GXYLT2: variants seen among roughly 807,000 people sequenced by gnomAD.
GXYLT2 encodes glycosyltransferase 8 domain containing 4.
In GXYLT2, 53 loss-of-function variants were observed where a neutral mutation model predicts 45.8. The ratio of observed to expected loss-of-function variants is 1.16; its 90% CI spans 0.93 to 1.46. The LOEUF (loss-of-function observed/expected upper bound fraction) is 1.46, where lower values mean the gene tolerates loss of function less well. Ranked by LOEUF, GXYLT2 falls within the 40% of genes most tolerant of loss-of-function variation. GXYLT2 has a pLI of 0.00. For missense variants in GXYLT2, 551 were observed against 544.4 expected, an observed-to-expected ratio of 1.01 and a Z score of -0.12; for synonymous variants, 219 against 214.2, an observed-to-expected ratio of 1.02 and a Z score of -0.19.
At chr3:72,952,873 T>C (rs1466676) in intron 3 of GXYLT2, among the ~76,000 whole-genome samples, 73,878 of 151,876 alleles carry the variant, frequency 0.49, 18,615 homozygotes, top group Non-Finnish European at 0.55. Flanking sequence ...ATATGAATGT[T>C]GGGGACACAG....
intron 1 of GXYLT2, among the ~76,000 whole-genome samples, chr3:72,903,577 T>C (rs1405636826): frequency 6.6e-6 from 1 of 151,936 alleles, no homozygotes; most frequent in African/African-American, 2.4e-5. Context: ...TCTCTGTGAG[T>C]TGGGAGTCTG....
At chr3:72,892,355 G>T (rs190323190) in intron 1 of GXYLT2, among the ~76,000 whole-genome samples, 8 of 152,140 alleles carry the variant, frequency 5.3e-5, no homozygotes, top group African/African-American at 1.7e-4. Flanking sequence ...CTTTTTTTCT[G>T]TGTTGGCCTG....
intron 1 of GXYLT2, among the ~76,000 whole-genome samples, chr3:72,895,133 A>G (rs2107059990): frequency 6.6e-6 from 1 of 152,340 alleles, no homozygotes; most frequent in South Asian, 2.1e-4. Flanking sequence ...AGGGATTGCA[A>G]CTGTATTTCT....
chr3:72,950,943 C>A (rs994880218), intron 3 of GXYLT2, among the ~76,000 whole-genome samples: 1 of 152,146 alleles, frequency 6.6e-6, no homozygotes, highest in African/African-American at 2.4e-5. Context: ...ACATTATAGC[C>A]AGCAGCATCG....
At chr3:72,910,414 A>G (rs1709593868) in intron 2 of GXYLT2, among the ~76,000 whole-genome samples, 1 of 152,200 alleles carries the variant, frequency 6.6e-6, no homozygotes, top group African/African-American at 2.4e-5. Flanking sequence ...TACTTGCTAT[A>G]TGACCTTGGG....
chr3:72,889,907 G>GGTTTTTT (rs1215251183), intron 1 of GXYLT2, among the ~76,000 whole-genome samples: 2 of 118,786 alleles, frequency 1.7e-5, no homozygotes, highest in African/African-American at 6.7e-5. Context: ...TTTTTTTTTT[G>GGTTTTTT]TTTTTTTTTT....
At chr3:72,915,356 C>CA (rs1297808276) in intron 2 of GXYLT2, among the ~76,000 whole-genome samples, 1 of 17,454 alleles carries the variant, frequency 5.7e-5, no homozygotes, top group Admixed American at 9.4e-4. Context: ...TTTTTTTTTG[C>CA]GGGGGGGGGG....
In GXYLT2 at chr3:72,897,639, GC is replaced by G. The variant is rs1216472861; in HGVS notation, c.275+9133del. 2.6e-5 allele frequency among the ~76,000 whole-genome samples: 4 copies of G among 152,272 alleles called. No individual in the cohort carries two copies. In the East Asian group the frequency reaches 7.7e-4, roughly 29 times the overall value. ...TTACCAAAAAGTCCTAAAAATGGAT[GC>G]CAGTAAGAAACCCCAAAACCCAAAG... On this transcript the variant is annotated intron_variant, in intron 1 of 6. Coordinates refer to ENST00000389617, the MANE Select transcript of GXYLT2 (RefSeq NM_001080393.2).
intron 3 of GXYLT2, among the ~76,000 whole-genome samples, chr3:72,953,561 A>G (rs1710567114): frequency 6.6e-6 from 1 of 152,112 alleles, no homozygotes; most frequent in Non-Finnish European, 1.5e-5. Context: ...AAGTGCTAGG[A>G]TTGAAATTAG....
intron 2 of GXYLT2, among the ~76,000 whole-genome samples, chr3:72,912,437 C>T (rs1162214040): frequency 6.6e-6 from 1 of 152,146 alleles, no homozygotes; most frequent in Non-Finnish European, 1.5e-5. Flanking sequence ...GCACATGCCA[C>T]CATGCCTTGC....
chr3:72,936,609 C>A (rs1230533252), intron 3 of GXYLT2, among the ~76,000 whole-genome samples: 1 of 152,136 alleles, frequency 6.6e-6, no homozygotes, highest in Non-Finnish European at 1.5e-5. Context: ...CATTGCACTC[C>A]AGTCTGGGTG....
intron 1 of GXYLT2, among the ~76,000 whole-genome samples, chr3:72,894,523 A>G (rs1447906084): frequency 2.0e-5 from 3 of 152,244 alleles, no homozygotes; most frequent in Non-Finnish European, 2.9e-5. Flanking sequence ...CAGAGACTAT[A>G]TGGTAAATGT....
intron 2 of GXYLT2, among the ~76,000 whole-genome samples, chr3:72,914,946 G>A (rs925280564): frequency 1.3e-5 from 2 of 152,050 alleles, no homozygotes; most frequent in Non-Finnish European, 1.5e-5. Context: ...AACACTTTGG[G>A]AGGCCAAGGC....
At chr3:72,904,633 T>G (rs1407876607) in intron 1 of GXYLT2, among the ~76,000 whole-genome samples, 2 of 150,434 alleles carry the variant, frequency 1.3e-5, no homozygotes, top group African/African-American at 4.9e-5. Context: ...AGTGCATGCT[T>G]TTTTTTTAAT....
chr3:72,974,941 C>A, intron 6 of GXYLT2, 36 bp from the exon 7 acceptor site: 1 of 1,447,378 alleles, frequency 6.9e-7, no homozygotes, highest in Non-Finnish European at 9.4e-7. Context: ...ATGGCATTTC[C>A]GTTACTAAAT....
At chr3:72,904,492 A>C (rs1028435425) in intron 1 of GXYLT2, among the ~76,000 whole-genome samples, 4 of 151,956 alleles carry the variant, frequency 2.6e-5, no homozygotes, top group African/African-American at 9.7e-5. Flanking sequence ...GAGAGGTTTT[A>C]TTTTTCTTTA....
chr3:72,949,812 C>T (rs1452957474), intron 3 of GXYLT2, among the ~76,000 whole-genome samples: 1 of 151,956 alleles, frequency 6.6e-6, no homozygotes, highest in Non-Finnish European at 1.5e-5. Context: ...AGTGCCCGGC[C>T]TCATTCTTTC....
At chr3:72,896,453 G>C (rs1189255536) in intron 1 of GXYLT2, among the ~76,000 whole-genome samples, 1 of 152,130 alleles carries the variant, frequency 6.6e-6, no homozygotes, top group Non-Finnish European at 1.5e-5. Context: ...GATTCAAGCA[G>C]CCTTTTCTTG....
intron 4 of GXYLT2, among the ~76,000 whole-genome samples, chr3:72,956,491 A>G (rs1710650393): frequency 6.6e-6 from 1 of 152,222 alleles, no homozygotes; most frequent in African/African-American, 2.4e-5. Flanking sequence ...GAACTCTGTT[A>G]TCTGTATTTT....
Sources: gnomAD v4.1 joint callset for allele counts (sites outside exome capture counted in the v4.1 genomes callset) on GRCh38, gnomAD v4.1.1 for gene constraint, MANE v1.5 for transcripts, NCBI Gene and HGNC (gene_info 2026-07-23, HGNC 2026-07-21) for gene names.